FAM120B: variants seen among roughly 807,000 people sequenced by gnomAD.
FAM120B encodes the protein family with sequence similarity 120 member B.
A neutral mutation model predicts 96.3 loss-of-function variants in FAM120B; 83 were observed. That is an observed-to-expected ratio of 0.86 (90% confidence interval 0.72 to 1.03). FAM120B has a LOEUF of 1.03. Among genes scored for constraint, FAM120B ranks in the 50% least tolerant of loss-of-function variants. The pLI is 0.00. For synonymous variants in FAM120B, 407 were observed against 402.7 expected, an observed-to-expected ratio of 1.01 and a Z score of -0.13; for missense variants, 1,027 against 1,121.2, an observed-to-expected ratio of 0.92 and a Z score of 1.20.
intron 5 of FAM120B, among the ~76,000 whole-genome samples, chr6:170,351,519 AG>A (rs1310384843): frequency 1.3e-5 from 2 of 152,180 alleles, no homozygotes; most frequent in Non-Finnish European, 2.9e-5. Context: ...TTGAAATGAA[AG>A]AAAAAATGTT....
chr6:170,369,689 G>GGTTTTTTTTTTTTTTTTT (rs1562575503), intron 6 of FAM120B, among the ~76,000 whole-genome samples: 1 of 133,642 alleles, frequency 7.5e-6, no homozygotes, highest in Non-Finnish European at 1.6e-5. Context: ...ACTTAGGGTA[G>GGTTTTTTTTTTTTTTTTT]TTTTTTTTTT....
intron 5 of FAM120B, among the ~76,000 whole-genome samples, chr6:170,349,704 AGAGAG>A (rs1343718125): frequency 6.6e-6 from 1 of 152,214 alleles, no homozygotes; most frequent in Admixed American, 6.5e-5. Flanking sequence ...AGATGTAAAA[AGAGAG>A]GAGATGAATC....
intron 3 of FAM120B, among the ~76,000 whole-genome samples, chr6:170,327,033 C>T (rs1442756950): frequency 6.6e-6 from 1 of 151,824 alleles, no homozygotes; most frequent in Non-Finnish European, 1.5e-5. Context: ...TGTGAGTTAC[C>T]GCACCAGGCC....
chr6:170,398,468 G>C (rs1778330387), intron 9 of FAM120B, among the ~76,000 whole-genome samples: 1 of 151,964 alleles, frequency 6.6e-6, no homozygotes, highest in Non-Finnish European at 1.5e-5. Flanking sequence ...CCTTAGGAGT[G>C]AGTGGGGAAG....
intron 3 of FAM120B, among the ~76,000 whole-genome samples, chr6:170,328,499 T>C (rs1785757781): frequency 6.6e-6 from 1 of 152,216 alleles, no homozygotes; most frequent in African/African-American, 2.4e-5. Context: ...TAGTTTCTGA[T>C]GAGACAGCAA....
In FAM120B at chr6:170,317,505, C is replaced by G; in HGVS notation, c.115C>G (p.Pro39Ala). The G allele has an allele frequency of 6.2e-7, 1 of 1,614,172 alleles. No homozygotes were observed. Among genetic ancestry groups the G allele is most frequent in the Non-Finnish European group, 8.5e-7 (1 of 1,180,036 alleles). Residue 39 changes from proline to alanine, a missense_variant, in exon 2 of 11, where the codon CCT becomes GCT. Pro to Ala is a conservative substitution (Grantham distance 27, BLOSUM62 -1). This residue lies in a region of FAM120B where 880 missense variants were observed against 980.9 expected (regional missense o/e 0.90). Coordinates refer to ENST00000476287, the MANE Select transcript of FAM120B (RefSeq NM_032448.3). ...HHRSKYPGCT[P>A]TIVVDAMCCL... The stretch of plus-strand genomic sequence containing the variant: ...CCGAAGCAAGTATCCTGGATGTACC[C>G]CTACCATTGTGGTTGATGCCATGTG...
At chr6:170,323,651 T>C (rs978784572) in intron 3 of FAM120B, among the ~76,000 whole-genome samples, 1 of 152,204 alleles carries the variant, frequency 6.6e-6, no homozygotes, top group Non-Finnish European at 1.5e-5. Context: ...AAAATGTGAT[T>C]TTTATAAAAT....
intron 6 of FAM120B, among the ~76,000 whole-genome samples, chr6:170,374,472 C>T (rs1328631935): frequency 6.6e-6 from 1 of 152,190 alleles, no homozygotes; most frequent in African/African-American, 2.4e-5. Context: ...CTTCTTGATG[C>T]TCTTGCACCA....
At chr6:170,359,734 C>G (rs73036656) in intron 6 of FAM120B, among the ~76,000 whole-genome samples, 2 of 152,110 alleles carry the variant, frequency 1.3e-5, no homozygotes, top group East Asian at 3.9e-4. Flanking sequence ...CCACCACACC[C>G]GGCCACAACT....
At chr6:170,392,840 C>G (rs930674640) in intron 8 of FAM120B, among the ~76,000 whole-genome samples, 2 of 152,238 alleles carry the variant, frequency 1.3e-5, no homozygotes, top group African/African-American at 4.8e-5. Flanking sequence ...CCATGTCCAA[C>G]CATGAGAGGG....
At chr6:170,301,960 G>C (rs1412037287), upstream of FAM120B, among the ~76,000 whole-genome samples, 1 of 152,100 alleles carries the variant, frequency 6.6e-6, no homozygotes, top group African/African-American at 2.4e-5. Flanking sequence ...CTTCTACTGA[G>C]CCCTCCCAAC....
intron 1 of FAM120B, among the ~76,000 whole-genome samples, chr6:170,300,580 A>T (rs1784119640): frequency 6.6e-6 from 1 of 152,200 alleles, no homozygotes; most frequent in Non-Finnish European, 1.5e-5. Context: ...TCAAAAGTCC[A>T]AGTCCAAAGT....
intron 9 of FAM120B, among the ~76,000 whole-genome samples, chr6:170,399,800 T>G: frequency 7.5e-6 from 1 of 133,118 alleles, no homozygotes; most frequent in Non-Finnish European, 1.6e-5. Context: ...GTGAGGAAGG[T>G]AGAACTATGT....
chr6:170,300,550 TAACTC>T (rs1398964986), intron 1 of FAM120B, among the ~76,000 whole-genome samples: 3 of 152,170 alleles, frequency 2.0e-5, no homozygotes, highest in Non-Finnish European at 4.4e-5. Flanking sequence ...CCCAAAGTCT[TAACTC>T]ATTCCAGCAT....
chr6:170,353,954 G>A (rs1372683815), intron 5 of FAM120B, among the ~76,000 whole-genome samples: 1 of 152,200 alleles, frequency 6.6e-6, no homozygotes, highest in Admixed American at 6.5e-5. Context: ...AAAAGAGCCT[G>A]AATAGCCAAG....
At chr6:170,379,498 T>C (rs1484673252) in intron 6 of FAM120B, among the ~76,000 whole-genome samples, 4 of 152,192 alleles carry the variant, frequency 2.6e-5, no homozygotes, top group African/African-American at 9.7e-5. Flanking sequence ...GCATCTCTAA[T>C]CCAAAAACCT....
chr6:170,296,731 C>T (rs1465469276), intron 1 of FAM120B, among the ~76,000 whole-genome samples: 1 of 152,064 alleles, frequency 6.6e-6, no homozygotes, highest in East Asian at 1.9e-4. Flanking sequence ...ATCCCGACGC[C>T]AGGAGGTGCT....
chr6:170,306,019 A>G (rs1007883764), upstream of FAM120B, among the ~76,000 whole-genome samples: 5 of 152,162 alleles, frequency 3.3e-5, no homozygotes, highest in African/African-American at 1.2e-4. Flanking sequence ...ATTCCTCTGA[A>G]GCATCCTGCT....
chr6:170,336,979 A>G (rs190427180), intron 4 of FAM120B, among the ~76,000 whole-genome samples: 11 of 152,322 alleles, frequency 7.2e-5, no homozygotes, highest in African/African-American at 2.6e-4. Flanking sequence ...TCATCTGCAA[A>G]CAGAGACAAT....
Sources: allele counts gnomAD v4.1 joint callset (sites outside exome capture counted in the v4.1 genomes callset), GRCh38; gene constraint gnomAD v4.1.1; regional missense constraint gnomAD v4.1.1; transcripts MANE v1.5; gene names NCBI Gene and HGNC (gene_info 2026-07-23, HGNC 2026-07-21).